Variants in PCLO observed in about 807,000 individuals in gnomAD.
PCLO encodes the protein piccolo presynaptic cytomatrix protein, also known as protein piccolo.
In PCLO, 82 loss-of-function variants were observed where a neutral mutation model predicts 427.5. That is an observed-to-expected ratio of 0.19 (90% CI 0.16 to 0.23). The LOEUF (loss-of-function observed/expected upper bound fraction) is 0.23. PCLO is among the 10% of genes least tolerant of loss of function. The probability of loss-of-function intolerance (pLI) is 1.00; values close to 1 mark genes in which losing one functional copy is unlikely to be tolerated. For missense variants in PCLO, 6,239 were observed against 6,115.9 expected (o/e 1.02, Z -0.67); for synonymous variants, 2,357 against 2,155.4 (o/e 1.09, Z -2.59).
At chr7:82,996,065 A>T (rs1004816196) in intron 3 of PCLO, among the ~76,000 whole-genome samples, 2 of 151,816 alleles carry the variant, frequency 1.3e-5, no homozygotes, top group Non-Finnish European at 2.9e-5. Context: ...CAAATACTAT[A>T]TATTGTTTTA....
chr7:83,114,444 C>A (rs1274827899), intron 3 of PCLO, among the ~76,000 whole-genome samples: 1 of 152,026 alleles, frequency 6.6e-6, no homozygotes, highest in African/African-American at 2.4e-5. Context: ...AAAGTATATA[C>A]TTTGCTCCTG....
Position 82,955,271 on chromosome 7 carries a change from T to C in PCLO, c.5682A>G (p.Ser1894=). ...GCATAATAGATTGCTCATCTGTTGG[T>C]GAGTATAATGAAACAGCTGTGGGCA... ...YKLPTAVSLY[S]PTDEQSIMQK... The change falls in exon 5 of 25, where the codon TCA becomes TCG. Residue 1894 remains serine, a synonymous_variant. Transcript: ENST00000333891. 1 of 1,613,314 alleles carries C rather than the reference T, an allele frequency of 6.2e-7. No homozygotes were observed. Among genetic ancestry groups the C allele is most frequent in the Non-Finnish European group, 8.5e-7 (1 of 1,179,642 alleles).
intron 3 of PCLO, among the ~76,000 whole-genome samples, chr7:83,127,574 A>G (rs899185143): frequency 1.3e-5 from 2 of 152,150 alleles, no homozygotes; most frequent in African/African-American, 4.8e-5. Flanking sequence ...TAGAATTTTA[A>G]AAGTAAAATG....
Position 83,083,743 on chromosome 7 carries a change from G to T in PCLO, c.3300+50507C>A, listed in dbSNP as rs561479345. Among the ~76,000 whole-genome samples, 3 of 152,164 alleles carry T rather than the reference G, an allele frequency of 2.0e-5. No homozygotes were observed. In the South Asian group the frequency reaches 6.2e-4, roughly 31 times the overall value. On this transcript the variant is annotated intron_variant, in intron 3 of 24. Coordinates refer to ENST00000333891, the MANE Select transcript of PCLO (RefSeq NM_033026.6). ...AGAAAAAGCAGAAATTCAGGTTGCT[G>T]TCATGACTTCAGACAGTACTAGTGA...
chr7:82,847,160 T>C lies in PCLO; in HGVS notation c.13742A>G (p.Glu4581Gly). Residue 4581 changes from glutamate (E) to glycine (G), a missense_variant, in exon 11 of 25, where the codon GAA becomes GGA. Glu to Gly is a moderately conservative substitution (Grantham distance 98). This residue lies in a region of PCLO where 877 missense variants were observed against 925.5 expected (regional missense o/e 0.95). Transcript: ENST00000333891. Reference protein sequence around the residue: ...VQSIISQQSGEAEICVRLDLN... With the variant: ...VQSIISQQSGGAEICVRLDLN... ...TCACAGTCTTACACATATTTCTGCT[T>C]CCCCACTTTGCTGACTAATGATACT... The C allele has an allele frequency of 6.3e-7, 1 of 1,594,616 alleles. No homozygotes were observed. Among genetic ancestry groups the C allele is most frequent in the Non-Finnish European group, 8.6e-7 (1 of 1,164,786 alleles).
At position 82,916,432 on chromosome 7, in the gene PCLO, C is replaced by T. The variant is rs1342904821; in HGVS notation, c.11554G>A (p.Gly3852Ser). ...TRPTRIESQH[G>S]IERPRTAPQT... ...GGAGCAGTTCTTGGTCGCTCAATGC[C>T]ATGCTGACTTTCTATTCGGGTTGGT... The change falls in exon 7 of 25, where the codon GGC becomes AGC. Residue 3852 changes from glycine to serine, a missense_variant. Gly to Ser is a moderately conservative substitution (Grantham distance 56, BLOSUM62 0). Coordinates refer to ENST00000333891, the MANE Select transcript of PCLO (RefSeq NM_033026.6). 5.0e-6 allele frequency: 8 copies of T among 1,613,702 alleles called. No homozygotes were observed. The highest frequency in any genetic ancestry group is 1.7e-5 in the Admixed American group (1 of 59,970).
chr7:82,972,472 T>C (rs1270412094), intron 3 of PCLO, among the ~76,000 whole-genome samples: 2 of 152,048 alleles, frequency 1.3e-5, no homozygotes, highest in Non-Finnish European at 2.9e-5. Context: ...TTGCAGCAGG[T>C]TGAACAGGTT....
chr7:83,154,043 T>C (rs950764760), intron 2 of PCLO, among the ~76,000 whole-genome samples: 1 of 152,206 alleles, frequency 6.6e-6, no homozygotes, highest in African/African-American at 2.4e-5. Context: ...CTTGTACTCA[T>C]CTATATCACA....
chr7:83,089,439 C>G (rs1790323691), intron 3 of PCLO, among the ~76,000 whole-genome samples: 1 of 152,096 alleles, frequency 6.6e-6, no homozygotes, highest in African/African-American at 2.4e-5. Context: ...GACCAAAATG[C>G]TCATTTCTCC....
intron 3 of PCLO, among the ~76,000 whole-genome samples, chr7:83,094,989 T>C (rs1467907908): frequency 6.6e-6 from 1 of 152,178 alleles, no homozygotes; most frequent in African/African-American, 2.4e-5. Flanking sequence ...CAAATGAAAT[T>C]GGGAAATGCG....
At chr7:83,015,278 G>C (rs1562919772) in intron 3 of PCLO, among the ~76,000 whole-genome samples, 1 of 151,560 alleles carries the variant, frequency 6.6e-6, no homozygotes, top group Non-Finnish European at 1.5e-5. Flanking sequence ...CAACAGTTCT[G>C]GACCCTGTGA....
At chr7:83,028,799 C>T (rs1219685258) in intron 3 of PCLO, among the ~76,000 whole-genome samples, 8 of 149,088 alleles carry the variant, frequency 5.4e-5, no homozygotes, top group East Asian at 1.9e-4. Flanking sequence ...TCAGAAATAA[C>T]GCCGCGTATC....
chr7:83,090,085 A>C (rs1790340290), intron 3 of PCLO, among the ~76,000 whole-genome samples: 1 of 152,148 alleles, frequency 6.6e-6, no homozygotes, highest in Non-Finnish European at 1.5e-5. Flanking sequence ...TGGACGGATC[A>C]CGAGGTCAAG....
intron 9 of PCLO, among the ~76,000 whole-genome samples, chr7:82,885,857 C>A (rs1793615572): frequency 1.3e-5 from 2 of 151,798 alleles, no homozygotes; most frequent in Admixed American, 6.6e-5. Context: ...ACACTCCAGG[C>A]AACGCAGCTA....
chr7:82,763,508 T>G (rs2129467617), intron 22 of PCLO, among the ~76,000 whole-genome samples: 1 of 152,202 alleles, frequency 6.6e-6, no homozygotes, highest in South Asian at 2.1e-4. Context: ...GTAAAAATAT[T>G]AGGCTGTAGT....
At chr7:83,110,087 G>T (rs969053984) in intron 3 of PCLO, among the ~76,000 whole-genome samples, 1 of 150,496 alleles carries the variant, frequency 6.6e-6, no homozygotes, top group South Asian at 2.1e-4. Context: ...CCCCAAGCAG[G>T]TTCTCAGTAC....
intron 10 of PCLO, among the ~76,000 whole-genome samples, chr7:82,847,862 C>T (rs1347961072): frequency 1.3e-5 from 2 of 152,094 alleles, no homozygotes; most frequent in African/African-American, 2.4e-5. Context: ...TAGTACAAGG[C>T]CCTGTGCTCA....
intron 14 of PCLO, among the ~76,000 whole-genome samples, chr7:82,839,669 T>G (rs1792316787): frequency 6.6e-6 from 1 of 152,110 alleles, no homozygotes; most frequent in South Asian, 2.1e-4. Flanking sequence ...TTTTAAGTGA[T>G]GAAGCACCCA....
In PCLO at chr7:82,950,032, T is replaced by C; in HGVS notation, c.10556A>G (p.Gln3519Arg). 6.2e-7 allele frequency: 1 copy of C among 1,613,122 alleles called. No homozygotes were observed. The change falls in exon 6 of 25, where the codon CAA (glutamine) becomes CGA (arginine). Residue 3519 changes from glutamine (Q) to arginine (R), a missense_variant. By Grantham distance (43) the Gln-to-Arg change is conservative. This residue lies in a region of PCLO where 4,677 missense variants were observed against 4,468.4 expected (regional missense o/e 1.05). Coordinates refer to ENST00000333891, the MANE Select transcript of PCLO (RefSeq NM_033026.6). ...TTGCACAGATATCTCTGCTACCGTT[T>C]GAACTGCTATGCTGGAGACTTTGGA... The part of the protein sequence containing the change: ...PLSKVSSIAV[Q>R]TVAEISVQTE...
Sources: allele counts gnomAD v4.1 joint callset (sites outside exome capture counted in the v4.1 genomes callset), GRCh38; gene constraint gnomAD v4.1.1; regional missense constraint gnomAD v4.1.1; transcripts MANE v1.5; gene names NCBI Gene and HGNC (gene_info 2026-07-23, HGNC 2026-07-21).